MLLT3: variants seen among roughly 807,000 people sequenced by gnomAD.
The protein encoded by MLLT3 is MLLT3 super elongation complex subunit.
MLLT3 carries 4 observed loss-of-function variants against 53.2 expected under a neutral mutation model. The ratio of observed to expected loss-of-function variants is 0.08; its 90% CI spans 0.04 to 0.17. MLLT3 has a LOEUF of 0.17. MLLT3 is among the 10% of genes least tolerant of loss of function. The pLI, the probability that MLLT3 is intolerant of heterozygous loss-of-function variation, is 1.00. For missense variants in MLLT3, 569 were observed against 684.0 expected, an observed-to-expected ratio of 0.83 and a Z score of 1.87; for synonymous variants, 283 against 230.6, an observed-to-expected ratio of 1.23 and a Z score of -2.06.
chr9:20,609,823 A>G (rs1820655125), intron 2 of MLLT3, among the ~76,000 whole-genome samples: 1 of 152,084 alleles, frequency 6.6e-6, no homozygotes, highest in South Asian at 2.1e-4. Flanking sequence ...CTGTCCATTC[A>G]CCATAAGAAA....
chr9:20,533,889 G>T (rs1363285154), intron 2 of MLLT3, among the ~76,000 whole-genome samples: 1 of 152,210 alleles, frequency 6.6e-6, no homozygotes, highest in Non-Finnish European at 1.5e-5. Flanking sequence ...GAGCTGAGAG[G>T]TGGGAGAATC....
intron 2 of MLLT3, among the ~76,000 whole-genome samples, chr9:20,550,969 T>G (rs1479939180): frequency 6.6e-6 from 1 of 152,084 alleles, no homozygotes; most frequent in Admixed American, 6.6e-5. Context: ...CTCACTACAT[T>G]AACCAGGCTA....
At position 20,425,749 on chromosome 9, in the gene MLLT3, A is replaced by T. The variant is rs138215482; in HGVS notation, c.421-11324T>A. On this transcript the variant is annotated intron_variant, in intron 4 of 10. Coordinates refer to ENST00000380338, the MANE Select transcript of MLLT3 (RefSeq NM_004529.4). ...ATAAGATGAAAAAAATCTACAAATT[A>T]TATTTATAATTGAGAAATAGAAACA... Among the ~76,000 whole-genome samples, 152 of 152,218 alleles carry T rather than the reference A, an allele frequency of 1.0e-3. 1 individual carries two copies. The highest frequency in any genetic ancestry group is 5.8e-3 in the South Asian group (28 of 4,824).
chr9:20,351,887 A>G (rs1464086665), intron 10 of MLLT3, among the ~76,000 whole-genome samples: 5 of 152,198 alleles, frequency 3.3e-5, no homozygotes, highest in Non-Finnish European at 7.4e-5. Flanking sequence ...TCATAATCAC[A>G]AGCCTCAGCT....
At position 20,559,335 on chromosome 9, in the gene MLLT3, T is replaced by C. The variant is rs549086731; in HGVS notation, c.193+61319A>G. 3.3e-5 allele frequency among the ~76,000 whole-genome samples: 5 copies of C among 152,190 alleles called. No homozygotes were observed. In the Middle Eastern group the frequency reaches 0.01, roughly 311 times the overall value. ...TAACTTTTGCTATTAAAAGGAAACA[T>C]AAAATAAACAAAGCTTTTGTTAACT... On this transcript the variant is annotated intron_variant, in intron 2 of 10. Coordinates refer to ENST00000380338, the MANE Select transcript of MLLT3 (RefSeq NM_004529.4).
intron 5 of MLLT3, among the ~76,000 whole-genome samples, chr9:20,390,674 T>C (rs1233503350): frequency 6.6e-6 from 1 of 152,240 alleles, no homozygotes; most frequent in Non-Finnish European, 1.5e-5. Context: ...ACTCTTCAAA[T>C]ATGAAAACTA....
At position 20,586,681 on chromosome 9, in the gene MLLT3, G is replaced by C. The variant is rs539011870; in HGVS notation, c.193+33973C>G. Among the ~76,000 whole-genome samples, 17 of 63,262 alleles carry C rather than the reference G, an allele frequency of 2.7e-4. No individual in the cohort carries two copies. The South Asian group carries it at 8.9e-3, about 33-fold the overall frequency. 41.5% of individuals were successfully genotyped at this position (63,262 alleles called of 152,430 possible). A position where few individuals can be genotyped will look rare whatever the true frequency, so the allele number is the denominator to read the frequency against. ...TTTAAAGCCCCTAATAAACATCAAG[G>C]AGTTTTTTTTTTTTACCTCTTTCCA... is the stretch of plus-strand genomic sequence containing the variant. On this transcript the variant is annotated intron_variant, in intron 2 of 10. Coordinates refer to ENST00000380338, the MANE Select transcript of MLLT3 (RefSeq NM_004529.4).
chr9:20,556,784 C>G (rs1323769048), intron 2 of MLLT3, among the ~76,000 whole-genome samples: 1 of 151,882 alleles, frequency 6.6e-6, no homozygotes, highest in East Asian at 1.9e-4. Context: ...AGCTTGTTCA[C>G]TGATTTTTTT....
At chr9:20,555,514 A>G (rs1819034984) in intron 2 of MLLT3, among the ~76,000 whole-genome samples, 1 of 152,180 alleles carries the variant, frequency 6.6e-6, no homozygotes, top group South Asian at 2.1e-4. Flanking sequence ...ACTCTACTAC[A>G]TTCTACACTG....
intron 2 of MLLT3, among the ~76,000 whole-genome samples, chr9:20,588,884 G>C (rs1820050492): frequency 6.6e-6 from 1 of 151,816 alleles, no homozygotes; most frequent in Admixed American, 6.6e-5. Flanking sequence ...ACCACAATGA[G>C]ATACCATCTC....
At position 20,413,807 on chromosome 9, in the gene MLLT3, T is replaced by G. The variant is rs1178620957; in HGVS notation, c.1039A>C (p.Lys347Gln). The stretch of plus-strand genomic sequence containing the variant: ...AATGGCGGTAACGTTGATTTCTTCT[T>G]CTCTGATGTCTCACTTTCAATTTTG... Reference protein sequence around the residue: ...KVKIESETSEKKKSTLPPFDD... With the variant: ...KVKIESETSEQKKSTLPPFDD... Residue 347 changes from lysine (K) to glutamine (Q), a missense_variant, in exon 5 of 11, where the codon AAG becomes CAG. Coordinates refer to ENST00000380338, the MANE Select transcript of MLLT3 (RefSeq NM_004529.4). The G allele has an allele frequency of 1.9e-6, 3 of 1,614,038 alleles. No homozygotes were observed. The highest frequency in any genetic ancestry group is 2.5e-6 in the Non-Finnish European group (3 of 1,179,980).
chr9:20,583,569 T>C (rs368855025), intron 2 of MLLT3, among the ~76,000 whole-genome samples: 1 of 152,188 alleles, frequency 6.6e-6, no homozygotes, highest in South Asian at 2.1e-4. Context: ...CCATACATCT[T>C]CTGCAATCTA....
At chr9:20,544,121 A>T (rs1563810274) in intron 2 of MLLT3, among the ~76,000 whole-genome samples, 2 of 152,252 alleles carry the variant, frequency 1.3e-5, no homozygotes, top group South Asian at 4.1e-4. Flanking sequence ...TAGTCTCTCC[A>T]ACAAATGGTG....
intron 2 of MLLT3, among the ~76,000 whole-genome samples, chr9:20,565,693 T>G (rs1203524416): frequency 6.6e-6 from 1 of 151,052 alleles, no homozygotes; most frequent in East Asian, 1.9e-4. Flanking sequence ...ACTAATATAT[T>G]CCAAATCCCC....
chr9:20,423,761 A>G (rs7020770), intron 4 of MLLT3, among the ~76,000 whole-genome samples: 25,039 of 151,756 alleles, frequency 0.16, 2,241 homozygotes, highest in African/African-American at 0.23. Context: ...AGCCTGGGCA[A>G]TATAGTGAGA....
chr9:20,403,117 T>A lies in MLLT3; in HGVS notation c.1125+10604A>T, dbSNP rs531373637. The stretch of plus-strand genomic sequence containing the variant: ...GGGCCTGCATCCGAGGGCCCCCTTT[T>A]AAAAAAAAAAAAACAATGAGACCCC... On this transcript the variant is annotated intron_variant, in intron 5 of 10. Transcript: ENST00000380338. Among the ~76,000 whole-genome samples, 622 of 144,058 alleles carry A rather than the reference T, an allele frequency of 4.3e-3. 4 individuals carry two copies. Among genetic ancestry groups the A allele is most frequent in the African/African-American group, 0.012 (476 of 39,854 alleles). The allele number at this position is 144,058 out of a possible 152,430, so 94.5% of individuals were successfully genotyped here.
chr9:20,467,527 G>A (rs1247056108), intron 2 of MLLT3, among the ~76,000 whole-genome samples: 4 of 152,144 alleles, frequency 2.6e-5, no homozygotes, highest in Non-Finnish European at 2.9e-5. Flanking sequence ...GCTGTGAGCC[G>A]AGATCATGCC....
intron 2 of MLLT3, among the ~76,000 whole-genome samples, chr9:20,563,461 T>G (rs1331056013): frequency 6.6e-6 from 1 of 152,110 alleles, no homozygotes. Context: ...TTGTTGACAG[T>G]CTATTCAGAC....
At chr9:20,489,593 A>G (rs6475446) in intron 2 of MLLT3, among the ~76,000 whole-genome samples, 148,467 of 152,250 alleles carry the variant, frequency 0.98, 72,402 homozygotes, top group East Asian at 1. Context: ...CAATTGGCTA[A>G]CTTTATACTC....
Sources: allele counts gnomAD v4.1 joint callset (sites outside exome capture counted in the v4.1 genomes callset), GRCh38; gene constraint gnomAD v4.1.1; transcripts MANE v1.5; gene names NCBI Gene and HGNC (gene_info 2026-07-23, HGNC 2026-07-21).